Variants in UNC5A observed in about 807,000 individuals in gnomAD.
The protein encoded by UNC5A is unc-5 netrin receptor A.
UNC5A carries 20 observed loss-of-function variants against 87.4 expected under a neutral mutation model. The observed-to-expected ratio is 0.23, with a 90% CI of 0.16 to 0.33. UNC5A has a LOEUF of 0.33. Ranked by LOEUF, UNC5A falls within the 10% of genes least tolerant of loss-of-function variation. The pLI is 1.00. For synonymous variants in UNC5A, 438 were observed against 482.3 expected, an observed-to-expected ratio of 0.91 and a Z score of 1.20; for missense variants, 844 against 1,133.4, an observed-to-expected ratio of 0.74 and a Z score of 3.67.
chr5:176,849,026 G>A (rs1267577983), intron 1 of UNC5A, among the ~76,000 whole-genome samples: 18 of 152,202 alleles, frequency 1.2e-4, no homozygotes, highest in Admixed American at 1.2e-3. Context: ...GAATGAGGGG[G>A]TGCTGGCAAG....
chr5:176,818,562 C>T (rs768999638), intron 1 of UNC5A, among the ~76,000 whole-genome samples: 2 of 152,192 alleles, frequency 1.3e-5, no homozygotes, highest in African/African-American at 4.8e-5. Context: ...TAGCCCCATG[C>T]GTCAGATGAG....
chr5:176,815,108 G>A (rs1447173918), intron 1 of UNC5A, among the ~76,000 whole-genome samples: 1 of 152,200 alleles, frequency 6.6e-6, no homozygotes, highest in African/African-American at 2.4e-5. Context: ...TGTCTGTTGA[G>A]TAGGAACCCC....
At chr5:176,830,704 GCGCGTGTGTGTGCTGGCATGTAT>G (rs1422300222) in intron 1 of UNC5A, among the ~76,000 whole-genome samples, 54 of 139,934 alleles carry the variant, frequency 3.9e-4, no homozygotes, top group South Asian at 5.0e-4. Flanking sequence ...GTGTGCACTG[GCGCGTGTGTGTGCTGGCATGTAT>G]GTGTGGGTGT....
chr5:176,831,106 A>G (rs959026357), intron 1 of UNC5A, among the ~76,000 whole-genome samples: 1 of 152,078 alleles, frequency 6.6e-6, no homozygotes, highest in African/African-American at 2.4e-5. Flanking sequence ...CCTCGGGTCA[A>G]ACCCCTCCCT....
At position 176,841,030 on chromosome 5, in the gene UNC5A, A is replaced by T. The variant is rs1243273134; in HGVS notation, c.71-21594A>T. On this transcript the variant is annotated intron_variant, in intron 1 of 14. Transcript: ENST00000329542. The surrounding 1 kb of genome is among the most constrained non-coding windows in gnomAD (Gnocchi z 4.1). ...CCTCCTTCACCGGAGAAGGGGGATG[A>T]ACCACTCCGCGCTGAATGGAGGCAG... Among the ~76,000 whole-genome samples the T allele has an allele frequency of 6.6e-6, 1 of 152,240 alleles. No individual in the cohort carries two copies. The highest frequency in any genetic ancestry group is 6.5e-5 in the Admixed American group (1 of 15,280).
intron 1 of UNC5A, among the ~76,000 whole-genome samples, chr5:176,825,237 T>C (rs1436298977): frequency 6.6e-6 from 1 of 152,096 alleles, no homozygotes; most frequent in Non-Finnish European, 1.5e-5. Context: ...GATTAGGGAA[T>C]GGCCATGGCT....
At chr5:176,863,629 G>A (rs554612269) in intron 2 of UNC5A, among the ~76,000 whole-genome samples, 39 of 151,936 alleles carry the variant, frequency 2.6e-4, no homozygotes, top group African/African-American at 8.9e-4. Context: ...CTGGGGACGT[G>A]GGCAGACAGC....
At chr5:176,876,107 G>T (rs1340329344) in intron 8 of UNC5A, among the ~76,000 whole-genome samples, 2 of 152,266 alleles carry the variant, frequency 1.3e-5, no homozygotes, top group Non-Finnish European at 2.9e-5. Context: ...CTTCATGAGA[G>T]TGGGGTCTGT....
In UNC5A at chr5:176,824,373, C is replaced by T. The variant is rs768088397; in HGVS notation, c.70+13553C>T. Among the ~76,000 whole-genome samples, 2 of 152,090 alleles carry T rather than the reference C, an allele frequency of 1.3e-5. No homozygotes were observed. The highest frequency in any genetic ancestry group is 2.9e-5 in the Non-Finnish European group (2 of 68,008). On this transcript the variant is annotated intron_variant, in intron 1 of 14. Transcript: ENST00000329542. The surrounding 1 kb of genome is among the most constrained non-coding windows in gnomAD (Gnocchi z 4.2). ...GAGCTGCTGTTAACAGCCTTCCTGG[C>T]CCTAGATCCACAAACTTCCCGCTTT...
At chr5:176,855,432 CCCACCTCTGGGT>C (rs1209646758) in intron 1 of UNC5A, among the ~76,000 whole-genome samples, 1 of 152,168 alleles carries the variant, frequency 6.6e-6, no homozygotes, top group African/African-American at 2.4e-5. Flanking sequence ...GGGGAGCGTG[CCCACCTCTGGGT>C]CCACAGATAG....
At chr5:176,857,542 C>T (rs1757698503) in intron 1 of UNC5A, among the ~76,000 whole-genome samples, 1 of 152,168 alleles carries the variant, frequency 6.6e-6, no homozygotes, top group South Asian at 2.1e-4. Context: ...TGCGCACACA[C>T]ACACACGCCT....
At chr5:176,818,263 G>T (rs1756642569) in intron 1 of UNC5A, among the ~76,000 whole-genome samples, 1 of 152,190 alleles carries the variant, frequency 6.6e-6, no homozygotes, top group African/African-American at 2.4e-5. Context: ...GCAGGCCGGG[G>T]CTTCCGATGC....
chr5:176,868,296 G>C, intron 3 of UNC5A, 23 bp downstream of exon 3: 1 of 1,611,744 alleles, frequency 6.2e-7, no homozygotes, highest in Non-Finnish European at 8.5e-7. Flanking sequence ...CTGGGCCCTG[G>C]GGGAGGGCGC....
rs112946500 is a variant in UNC5A at position 176,821,849 on chromosome 5, A to G, written c.70+11029A>G. Among the ~76,000 whole-genome samples the G allele has an allele frequency of 2.8e-3, 424 of 152,234 alleles. 6 individuals carry two copies. Among genetic ancestry groups the G allele is most frequent in the African/African-American group, 9.7e-3 (401 of 41,536 alleles). Reference sequence around the variant, plus strand: ...GGACCTATTGACTTCCCAGGCTGAGAGGGGCAGCTTACCTCCTGGACACCA... The same window carrying G: ...GGACCTATTGACTTCCCAGGCTGAGGGGGGCAGCTTACCTCCTGGACACCA... On this transcript the variant is annotated intron_variant, in intron 1 of 14. Transcript: ENST00000329542.
chr5:176,818,881 C>T (rs371591323), intron 1 of UNC5A, among the ~76,000 whole-genome samples: 3 of 152,188 alleles, frequency 2.0e-5, no homozygotes, highest in Non-Finnish European at 4.4e-5. Flanking sequence ...GGCCACCAGA[C>T]GTTGATTATT....
chr5:176,867,260 G>A (rs1757997546), intron 2 of UNC5A, among the ~76,000 whole-genome samples: 1 of 152,170 alleles, frequency 6.6e-6, no homozygotes. Flanking sequence ...GGGGCAGGAG[G>A]AGGGTTGCTG....
chr5:176,811,006 A>C (rs1223670473), intron 1 of UNC5A, among the ~76,000 whole-genome samples, 186 bp downstream of exon 1: 1 of 151,836 alleles, frequency 6.6e-6, no homozygotes, highest in Admixed American at 6.6e-5. Flanking sequence ...GCTCTCCCGG[A>C]AGCCTGGGTT....
At chr5:176,820,941 C>T (rs528297801) in intron 1 of UNC5A, among the ~76,000 whole-genome samples, 8 of 152,294 alleles carry the variant, frequency 5.3e-5, no homozygotes, top group African/African-American at 1.2e-4. Context: ...CCCAGTCTTC[C>T]GCCAGTGCTT....
At chr5:176,843,937 T>C (rs1757340659) in intron 1 of UNC5A, among the ~76,000 whole-genome samples, 2 of 152,268 alleles carry the variant, frequency 1.3e-5, no homozygotes, top group South Asian at 4.1e-4. Context: ...CCGCTGATCG[T>C]GTGAGGCGCT....
Sources: allele counts gnomAD v4.1 joint callset (sites outside exome capture counted in the v4.1 genomes callset), GRCh38; gene constraint gnomAD v4.1.1; non-coding constraint Gnocchi (gnomAD v3.1); transcripts MANE v1.5; gene names NCBI Gene and HGNC (gene_info 2026-07-23, HGNC 2026-07-21).